FBXL7: variants seen among roughly 807,000 people sequenced by gnomAD.
FBXL7 encodes the protein F-box/LRR-repeat protein 7.
In FBXL7, 12 loss-of-function variants were observed where a neutral mutation model predicts 38.3. The observed-to-expected ratio is 0.31, with a 90% CI of 0.20 to 0.51. The LOEUF (loss-of-function observed/expected upper bound fraction) is 0.51. Among genes scored for constraint, FBXL7 ranks in the 20% least tolerant of loss-of-function variants. FBXL7 has a pLI of 0.98. For missense variants in FBXL7, 567 were observed against 676.4 expected, an observed-to-expected ratio of 0.84 and a Z score of 1.79; for synonymous variants, 297 against 300.9, an observed-to-expected ratio of 0.99 and a Z score of 0.13.
At chr5:15,915,695 A>G (rs1201740983) in intron 2 of FBXL7, among the ~76,000 whole-genome samples, 3 of 152,186 alleles carry the variant, frequency 2.0e-5, no homozygotes, top group Non-Finnish European at 4.4e-5. Context: ...GGAATGAGCT[A>G]GTCAAGGTTT....
At chr5:15,610,863 GACCCTCC>G (rs1740210034) in intron 1 of FBXL7, among the ~76,000 whole-genome samples, 1 of 152,054 alleles carries the variant, frequency 6.6e-6, no homozygotes, top group African/African-American at 2.4e-5. Context: ...GGCAGGAATT[GACCCTCC>G]ACCCAGCCCC....
Position 15,709,641 on chromosome 5 carries a change from C to A in FBXL7, c.127+93569C>A, listed in dbSNP as rs567056256. On this transcript the variant is annotated intron_variant, in intron 2 of 3. Transcript: ENST00000504595. ...TGGCTATTACTCTTGTCTTAGACAC[C>A]ATGATCGTTCATCTTGATTATTGCC... Among the ~76,000 whole-genome samples the A allele has an allele frequency of 2.6e-5, 4 of 152,112 alleles. No individual in the cohort carries two copies. The South Asian group carries it at 6.2e-4, about 24-fold the overall frequency.
chr5:15,618,998 A>G (rs1053621623), intron 2 of FBXL7, among the ~76,000 whole-genome samples: 1 of 152,162 alleles, frequency 6.6e-6, no homozygotes, highest in East Asian at 1.9e-4. Flanking sequence ...TAAAAAGAGA[A>G]GTTCATGTGC....
intron 2 of FBXL7, among the ~76,000 whole-genome samples, chr5:15,879,198 C>T (rs1008745536): frequency 3.3e-5 from 5 of 152,094 alleles, no homozygotes; most frequent in Non-Finnish European, 2.9e-5. Flanking sequence ...GTATGCTAGC[C>T]GATTAAACTG....
chr5:15,801,399 A>C (rs72734146), intron 2 of FBXL7, among the ~76,000 whole-genome samples: 2,264 of 152,312 alleles, frequency 0.015, 21 homozygotes, highest in Middle Eastern at 0.041. Flanking sequence ...CTTTTAATGG[A>C]AAGCTAATTG....
intron 1 of FBXL7, among the ~76,000 whole-genome samples, chr5:15,503,259 A>T (rs987617511): frequency 3.5e-4 from 53 of 152,266 alleles, no homozygotes; most frequent in African/African-American, 1.1e-3. Context: ...TGTCTCTACT[A>T]AAAATACAAA....
At chr5:15,517,300 C>T (rs1259507814) in intron 1 of FBXL7, among the ~76,000 whole-genome samples, 1 of 152,148 alleles carries the variant, frequency 6.6e-6, no homozygotes, top group African/African-American at 2.4e-5. Flanking sequence ...TTAAGGGGCC[C>T]ACAGTCTGGT....
chr5:15,621,917 T>G (rs1740660232), intron 2 of FBXL7, among the ~76,000 whole-genome samples: 1 of 152,324 alleles, frequency 6.6e-6, no homozygotes, highest in African/African-American at 2.4e-5. Context: ...TTTTTTTACA[T>G]TAATTAATGA....
At chr5:15,561,550 G>A (rs1738417275) in intron 1 of FBXL7, among the ~76,000 whole-genome samples, 1 of 152,082 alleles carries the variant, frequency 6.6e-6, no homozygotes, top group Admixed American at 6.6e-5. Context: ...TTACTACGAG[G>A]TGATTTCATT....
chr5:15,733,145 G>T (rs1313644056), intron 2 of FBXL7, among the ~76,000 whole-genome samples: 1 of 151,966 alleles, frequency 6.6e-6, no homozygotes, highest in African/African-American at 2.4e-5. Flanking sequence ...CCAGGCTGAA[G>T]TGCAGTGGCG....
At chr5:15,501,949 A>AT (rs564975108) in intron 1 of FBXL7, among the ~76,000 whole-genome samples, 65 of 137,010 alleles carry the variant, frequency 4.7e-4, no homozygotes, top group East Asian at 4.6e-3. Context: ...TTTTTTGACA[A>AT]TTTTTTTTTT....
intron 2 of FBXL7, among the ~76,000 whole-genome samples, chr5:15,918,629 G>A (rs1371633005): frequency 6.6e-6 from 1 of 152,248 alleles, no homozygotes; most frequent in Non-Finnish European, 1.5e-5. Flanking sequence ...ACTGGGGTTT[G>A]TGACTCAGTG....
chr5:15,789,534 C>T (rs562835831), intron 2 of FBXL7, among the ~76,000 whole-genome samples: 1 of 152,308 alleles, frequency 6.6e-6, no homozygotes, highest in Non-Finnish European at 1.5e-5. Flanking sequence ...CACCCACGAC[C>T]ACACAGGCTG....
intron 2 of FBXL7, among the ~76,000 whole-genome samples, chr5:15,728,295 T>C (rs572683093): frequency 3.9e-5 from 6 of 152,264 alleles, no homozygotes; most frequent in African/African-American, 1.4e-4. Flanking sequence ...TTATTATTTT[T>C]TATTAAAATT....
rs1400681037 is a variant in FBXL7 at position 15,586,369 on chromosome 5, C to T, written c.38-29614C>T. Among the ~76,000 whole-genome samples the T allele has an allele frequency of 3.4e-5, 5 of 149,028 alleles. 1 individual carries two copies. The South Asian group carries it at 1.1e-3, about 33-fold the overall frequency. ...TCTCCCTCTCTGTTTCTCTTCCCCT[C>T]CCTTTCTCAATCTCTTTCTCAATAT... is the stretch of plus-strand genomic sequence containing the variant. On this transcript the variant is annotated intron_variant, in intron 1 of 3. Coordinates refer to ENST00000504595, the MANE Select transcript of FBXL7 (RefSeq NM_012304.5).
At chr5:15,743,632 G>A (rs1172216904) in intron 2 of FBXL7, among the ~76,000 whole-genome samples, 3 of 152,214 alleles carry the variant, frequency 2.0e-5, no homozygotes, top group African/African-American at 7.2e-5. Context: ...GGGGTCTGGA[G>A]GATGGTGACC....
At chr5:15,723,582 A>G (rs1744262361) in intron 2 of FBXL7, among the ~76,000 whole-genome samples, 1 of 152,254 alleles carries the variant, frequency 6.6e-6, no homozygotes. Context: ...AATACGCATG[A>G]CATAGTGTTT....
chr5:15,559,240 C>G (rs1738340821), intron 1 of FBXL7, among the ~76,000 whole-genome samples: 1 of 152,148 alleles, frequency 6.6e-6, no homozygotes, highest in Non-Finnish European at 1.5e-5. Context: ...AACTCTTCAA[C>G]CAATTCCATT....
intron 2 of FBXL7, among the ~76,000 whole-genome samples, chr5:15,794,286 A>G (rs1019294035): frequency 1.3e-5 from 2 of 152,214 alleles, no homozygotes; most frequent in African/African-American, 4.8e-5. Flanking sequence ...AGTATTTTAC[A>G]TTGTTAATCA....
Sources: allele counts gnomAD v4.1 joint callset (sites outside exome capture counted in the v4.1 genomes callset), GRCh38; gene constraint gnomAD v4.1.1; transcripts MANE v1.5; gene names NCBI Gene and HGNC (gene_info 2026-07-23, HGNC 2026-07-21).